Variants in DYNAP observed in about 807,000 individuals in gnomAD.
The protein encoded by DYNAP is dynactin-associated protein.
DYNAP carries 7 observed loss-of-function variants against 8.5 expected under a neutral mutation model. The ratio of observed to expected loss-of-function variants is 0.82; its 90% CI spans 0.47 to 1.54. DYNAP has a LOEUF of 1.54. Ranked by LOEUF, DYNAP falls within the 40% of genes most tolerant of loss-of-function variation. The probability of loss-of-function intolerance (pLI) is 0.01; values close to 1 mark genes in which losing one functional copy is unlikely to be tolerated. For missense variants in DYNAP, 256 were observed against 224.3 expected (o/e 1.14, Z -0.90); for synonymous variants, 77 against 77.9 (o/e 0.99, Z 0.06).
chr18:54,582,970 A>G (rs922966016), upstream of DYNAP, among the ~76,000 whole-genome samples: 4 of 152,176 alleles, frequency 2.6e-5, no homozygotes, highest in Admixed American at 2.0e-4. Context: ...TCCAGCTTCA[A>G]CAACCATCAA....
chr18:54,591,894 T>C (rs1911091800), intron 1 of DYNAP, among the ~76,000 whole-genome samples: 1 of 152,174 alleles, frequency 6.6e-6, no homozygotes, highest in African/African-American at 2.4e-5. Context: ...ATCATAATCA[T>C]ATATCTGTAT....
chr18:54,591,207 G>C (rs752564137), upstream of DYNAP: 12 of 1,609,766 alleles, frequency 7.5e-6, no homozygotes, highest in Non-Finnish European at 9.3e-6. Flanking sequence ...ATTGTTTCAT[G>C]GTTGCAGATA....
upstream of DYNAP, among the ~76,000 whole-genome samples, chr18:54,585,851 CAT>C (rs1226439862): frequency 2.0e-5 from 3 of 152,160 alleles, no homozygotes; most frequent in Non-Finnish European, 4.4e-5. Flanking sequence ...CCCCATTCTC[CAT>C]CCACAGTGAG....
chr18:54,591,387 A>T, intron 1 of DYNAP, 48 bp downstream of exon 1: 8 of 1,550,878 alleles, frequency 5.2e-6, no homozygotes, highest in Non-Finnish European at 7.0e-6. Context: ...TTACAGTTTC[A>T]TTTTCAGCAT....
intron 2 of DYNAP, among the ~76,000 whole-genome samples, chr18:54,597,273 T>G (rs1911333114): frequency 6.6e-6 from 1 of 151,966 alleles, no homozygotes; most frequent in Non-Finnish European, 1.5e-5. Flanking sequence ...ATACAGAGGA[T>G]TTTTTAGGGT....
chr18:54,596,183 C>T (rs1297888475), intron 2 of DYNAP, among the ~76,000 whole-genome samples: 1 of 151,864 alleles, frequency 6.6e-6, no homozygotes, highest in Non-Finnish European at 1.5e-5. Flanking sequence ...AACAATCCTC[C>T]CATCTCAGCC....
At chr18:54,583,112 G>A (rs1393925258), upstream of DYNAP, among the ~76,000 whole-genome samples, 5 of 152,154 alleles carry the variant, frequency 3.3e-5, no homozygotes, top group East Asian at 3.9e-4. Flanking sequence ...AACAGAAACC[G>A]GTTTAGGTAA....
At chr18:54,591,218 T>C, upstream of DYNAP, 1 of 1,611,680 alleles carries the variant, frequency 6.2e-7, no homozygotes, top group Non-Finnish European at 8.5e-7. Flanking sequence ...GTTGCAGATA[T>C]AAAGGGCAAT....
chr18:54,588,497 G>A (rs987953161), upstream of DYNAP, among the ~76,000 whole-genome samples: 17 of 152,058 alleles, frequency 1.1e-4, no homozygotes, highest in African/African-American at 4.1e-4. Context: ...GAGCCACCGC[G>A]CCCGGCCTCC....
the DYNAP span, among the ~76,000 whole-genome samples, chr18:54,578,582 G>C: frequency 6.6e-6 from 1 of 152,252 alleles, no homozygotes; most frequent in Admixed American, 6.5e-5. Flanking sequence ...GAAACATGGG[G>C]AATACATGGT....
Position 54,598,549 on chromosome 18 carries a change from A to AG in DYNAP, c.*408dup. ...TTCATCTTGCCCAAATTCCTTTCTA[A>AG]GGGGTATGGGGAGTCATGCCCTACA... On this transcript the variant is annotated 3_prime_UTR_variant, in exon 3 of 3. Transcript: ENST00000648945. The AG allele has an allele frequency of 5.6e-6, 1 of 178,036 alleles. No homozygotes were observed. The highest frequency in any genetic ancestry group is 1.5e-4 in the South Asian group (1 of 6,696). The allele number at this position is 178,036 out of a possible 1,614,324, so 11.0% of individuals were successfully genotyped here.
chr18:54,581,692 A>G, the DYNAP span, among the ~76,000 whole-genome samples: 2 of 152,350 alleles, frequency 1.3e-5, no homozygotes, highest in Non-Finnish European at 2.9e-5. Context: ...ACTAATCTTA[A>G]TCCAATCTAT....
chr18:54,594,393 A>G (rs942463265), intron 1 of DYNAP, among the ~76,000 whole-genome samples: 4 of 152,178 alleles, frequency 2.6e-5, no homozygotes, highest in Non-Finnish European at 5.9e-5. Flanking sequence ...CATGTAGTAT[A>G]GTATATACTA....
the DYNAP span, among the ~76,000 whole-genome samples, chr18:54,579,224 T>G: frequency 6.6e-6 from 1 of 152,228 alleles, no homozygotes; most frequent in African/African-American, 2.4e-5. Flanking sequence ...TGTTAGTATT[T>G]TCTGGAATAT....
Position 54,598,226 on chromosome 18 carries a change from C to A in DYNAP, c.*81C>A. ...TCAGTTTGCAACTATAATAGCTACT[C>A]CTATCACTTCAAGTGGAATCATGGC... On this transcript the variant is annotated 3_prime_UTR_variant, in exon 3 of 3. Transcript: ENST00000648945. 7.2e-7 allele frequency: 1 copy of A among 1,385,188 alleles called. No homozygotes were observed. The highest frequency in any genetic ancestry group is 1.4e-5 in the South Asian group (1 of 73,690). 85.8% of individuals were successfully genotyped at this position (1,385,188 alleles called of 1,614,324 possible). A position where few individuals can be genotyped will look rare whatever the true frequency, so the allele number is the denominator to read the frequency against.
intron 1 of DYNAP, among the ~76,000 whole-genome samples, chr18:54,592,137 A>G (rs1911100967): frequency 6.6e-6 from 1 of 152,168 alleles, no homozygotes; most frequent in African/African-American, 2.4e-5. Context: ...AAGTGTTAAT[A>G]CAAGAATCCT....
rs538889554 is a variant in DYNAP, at chr18:54,598,809, C to G, written c.*664C>G. 1 of 152,154 alleles carries G rather than the reference C, an allele frequency of 6.6e-6. No homozygotes were observed. Among genetic ancestry groups the G allele is most frequent in the Non-Finnish European group, 1.5e-5 (1 of 68,050 alleles). The allele number at this position is 152,154 out of a possible 1,614,324, so 9.4% of individuals were successfully genotyped here. A position where few individuals can be genotyped will look rare whatever the true frequency, so the allele number is the denominator to read the frequency against. Reference sequence around the variant, plus strand: ...TTTCTTTCCAGATCCAGGAGATAATCAACTAAGAGCCAGGCACCCTTTTAG... The same window carrying G: ...TTTCTTTCCAGATCCAGGAGATAATGAACTAAGAGCCAGGCACCCTTTTAG... On this transcript the variant is annotated 3_prime_UTR_variant, in exon 3 of 3. Coordinates refer to ENST00000648945, the MANE Select transcript of DYNAP (RefSeq NM_173629.3).
upstream of DYNAP, among the ~76,000 whole-genome samples, chr18:54,590,523 C>A (rs921824493): frequency 6.6e-6 from 1 of 152,070 alleles, no homozygotes; most frequent in African/African-American, 2.4e-5. Context: ...GTGTCATATA[C>A]AAAGAGAATA....
At chr18:54,582,805 A>G (rs1453507090), upstream of DYNAP, among the ~76,000 whole-genome samples, 2 of 151,920 alleles carry the variant, frequency 1.3e-5, no homozygotes, top group African/African-American at 4.8e-5. Context: ...TTTATTTTCC[A>G]CCACATTCAT....
Sources: gnomAD v4.1 joint callset for allele counts (sites outside exome capture counted in the v4.1 genomes callset) on GRCh38, gnomAD v4.1.1 for gene constraint, MANE v1.5 for transcripts, NCBI Gene and HGNC (gene_info 2026-07-23, HGNC 2026-07-21) for gene names.